PLXDC2: variants seen among roughly 807,000 people sequenced by gnomAD.
PLXDC2 encodes plexin domain containing 2, also known as plexin domain-containing protein 2.
Under a neutral mutation model 68.9 loss-of-function variants are expected in PLXDC2, and 40 were observed. That is an observed-to-expected ratio of 0.58 (90% CI 0.45 to 0.76). The LOEUF is 0.76. Among genes scored for constraint, PLXDC2 ranks in the 30% least tolerant of loss-of-function variants. The pLI, the probability that PLXDC2 is intolerant of heterozygous loss-of-function variation, is 0.00. For missense variants in PLXDC2, 644 were observed against 661.9 expected (o/e 0.97, Z 0.30); for synonymous variants, 243 against 234.2 (o/e 1.04, Z -0.34).
intron 1 of PLXDC2, among the ~76,000 whole-genome samples, chr10:19,993,775 T>C (rs2131630866): frequency 6.6e-6 from 1 of 152,320 alleles, no homozygotes; most frequent in African/African-American, 2.4e-5. Flanking sequence ...TTCTGTTTCG[T>C]TTTATATATA....
chr10:20,025,938 T>C (rs1309394794), intron 2 of PLXDC2, among the ~76,000 whole-genome samples: 2 of 152,058 alleles, frequency 1.3e-5, no homozygotes, highest in African/African-American at 2.4e-5. Context: ...GCAATTTGTA[T>C]TCACATTACA....
At chr10:20,220,359 G>T (rs1215157689) in intron 12 of PLXDC2, among the ~76,000 whole-genome samples, 2 of 152,102 alleles carry the variant, frequency 1.3e-5, no homozygotes, top group Admixed American at 1.3e-4. Flanking sequence ...AAGAGATGGG[G>T]TATAAAGTTA....
At chr10:20,252,327 C>G (rs987821916) in intron 13 of PLXDC2, among the ~76,000 whole-genome samples, 1 of 152,120 alleles carries the variant, frequency 6.6e-6, no homozygotes, top group Admixed American at 6.6e-5. Context: ...ATGTCAATAT[C>G]TCATCAATAA....
intron 1 of PLXDC2, among the ~76,000 whole-genome samples, chr10:19,899,361 G>A (rs889705763): frequency 3.9e-5 from 6 of 152,172 alleles, no homozygotes; most frequent in Non-Finnish European, 8.8e-5. Flanking sequence ...AGTTTATGAA[G>A]ATCAAACAAC....
chr10:20,183,608 TA>T (rs1472128324), intron 9 of PLXDC2, among the ~76,000 whole-genome samples: 1 of 151,900 alleles, frequency 6.6e-6, no homozygotes, highest in African/African-American at 2.4e-5. Context: ...TAAGGAAACA[TA>T]AGCTCTTCTA....
chr10:20,055,498 T>C (rs1465511390), intron 3 of PLXDC2, among the ~76,000 whole-genome samples: 2 of 152,180 alleles, frequency 1.3e-5, no homozygotes, highest in African/African-American at 2.4e-5. Flanking sequence ...ACTTTCTCTA[T>C]TAGGCTATTA....
rs996189596 is a variant in PLXDC2, at chr10:20,190,609, A to G, written c.1061+13200A>G. 4.0e-5 allele frequency among the ~76,000 whole-genome samples: 6 copies of G among 151,156 alleles called. No homozygotes were observed. In the East Asian group the frequency reaches 9.7e-4, roughly 24 times the overall value. Reference sequence around the variant, plus strand: ...CTTAAAGTGTAATAAATATATATATATATATATATAAACTGAGTATTGAGT... The same window carrying G: ...CTTAAAGTGTAATAAATATATATATGTATATATATAAACTGAGTATTGAGT... On this transcript the variant is annotated intron_variant, in intron 9 of 13. Transcript: ENST00000377252.
intron 4 of PLXDC2, among the ~76,000 whole-genome samples, chr10:20,075,920 C>T (rs139979923): frequency 1.6e-3 from 245 of 152,246 alleles, no homozygotes; most frequent in Non-Finnish European, 2.7e-3. Flanking sequence ...TACTCCCTTA[C>T]GGATGTTTAT....
chr10:20,138,491 C>T (rs995023606), intron 4 of PLXDC2, among the ~76,000 whole-genome samples: 3 of 152,132 alleles, frequency 2.0e-5, no homozygotes, highest in South Asian at 2.1e-4. Context: ...TTTGGAATTG[C>T]GAGACCTATA....
chr10:20,014,631 A>G (rs1835178928), intron 2 of PLXDC2, among the ~76,000 whole-genome samples: 1 of 152,094 alleles, frequency 6.6e-6, no homozygotes, highest in African/African-American at 2.4e-5. Context: ...TCAAAATGTT[A>G]TTTTGCTCCC....
chr10:20,126,067 T>C (rs1302675287), intron 4 of PLXDC2, among the ~76,000 whole-genome samples: 5 of 148,128 alleles, frequency 3.4e-5, no homozygotes, highest in Admixed American at 6.8e-5. Flanking sequence ...TATACACATA[T>C]TTAATAGTAT....
chr10:19,889,856 T>C (rs957796168), intron 1 of PLXDC2, among the ~76,000 whole-genome samples: 4 of 151,988 alleles, frequency 2.6e-5, no homozygotes, highest in African/African-American at 4.8e-5. Flanking sequence ...CTGGGTTAAG[T>C]CTTTCTCTGA....
At chr10:20,258,783 G>A (rs1046609413) in intron 13 of PLXDC2, among the ~76,000 whole-genome samples, 2 of 152,194 alleles carry the variant, frequency 1.3e-5, no homozygotes, top group Non-Finnish European at 2.9e-5. Context: ...CGAGGAGTGC[G>A]AATCACGAGG....
chr10:19,864,331 G>T (rs1263910011), intron 1 of PLXDC2, among the ~76,000 whole-genome samples: 2 of 152,060 alleles, frequency 1.3e-5, no homozygotes, highest in African/African-American at 4.8e-5. Flanking sequence ...ATATAAGAAA[G>T]AATGATTTCA....
intron 1 of PLXDC2, among the ~76,000 whole-genome samples, chr10:19,917,141 T>C (rs977142927): frequency 1.3e-5 from 2 of 152,188 alleles, no homozygotes; most frequent in Non-Finnish European, 2.9e-5. Context: ...TTTTCTTGAG[T>C]CTGACTCTTG....
intron 12 of PLXDC2, among the ~76,000 whole-genome samples, chr10:20,234,663 C>CTTTTTT (rs58791520): frequency 1.6e-5 from 2 of 125,416 alleles, no homozygotes; most frequent in African/African-American, 5.9e-5. Context: ...GGGTTTCTTT[C>CTTTTTT]TTTTTTTTTT....
intron 1 of PLXDC2, among the ~76,000 whole-genome samples, chr10:19,986,057 G>T (rs1175177115): frequency 6.6e-6 from 1 of 152,192 alleles, no homozygotes. Context: ...TGGAAAGCTT[G>T]AAGCTGGCAT....
rs1836129905 is a variant in PLXDC2, at chr10:20,284,749, A to ATT, written c.*4931_*4932dup. 1 of 152,168 alleles carries ATT rather than the reference A, an allele frequency of 6.6e-6. No individual in the cohort carries two copies. Among genetic ancestry groups the ATT allele is most frequent in the South Asian group, 2.1e-4 (1 of 4,836 alleles). The allele number at this position is 152,168 out of a possible 1,614,324, so 9.4% of individuals were successfully genotyped here. ...CAGTTCTCATTGCCTTCATCTCTTA[A>ATT]TTGTCGGCACTTAAGGCCAACCAAG... On this transcript the variant is annotated 3_prime_UTR_variant, in exon 14 of 14. Transcript: ENST00000377252.
chr10:19,973,329 T>TATATATGTGTATATATGTATAC (rs1472439379), intron 1 of PLXDC2, among the ~76,000 whole-genome samples: 3 of 142,212 alleles, frequency 2.1e-5, no homozygotes, highest in Non-Finnish European at 4.5e-5. Flanking sequence ...TATGTATACA[T>TATATATGTGTATATATGTATAC]ATATATGTGT....
Sources: allele counts gnomAD v4.1 joint callset (sites outside exome capture counted in the v4.1 genomes callset), GRCh38; gene constraint gnomAD v4.1.1; transcripts MANE v1.5; gene names NCBI Gene and HGNC (gene_info 2026-07-23, HGNC 2026-07-21).